Variants in ENTREP2 observed in about 807,000 individuals in gnomAD.
The protein encoded by ENTREP2 is endosomal transmembrane epsin interactor 2.
the ENTREP2 span, among the ~76,000 whole-genome samples, chr15:29,239,617 G>A: frequency 6.6e-6 from 1 of 152,142 alleles, no homozygotes; most frequent in Non-Finnish European, 1.5e-5. Flanking sequence ...GACTTTCAAG[G>A]ATAAACAGCT....
chr15:29,393,156 G>A, the ENTREP2 span, among the ~76,000 whole-genome samples: 1 of 152,176 alleles, frequency 6.6e-6, no homozygotes, highest in Non-Finnish European at 1.5e-5. Context: ...TTTGCCCTTT[G>A]TTGTCTCATT....
chr15:29,423,628 A>T, the ENTREP2 span, among the ~76,000 whole-genome samples: 1 of 49,516 alleles, frequency 2.0e-5, no homozygotes, highest in Non-Finnish European at 3.8e-5. Context: ...TCTACTAAAA[A>T]TACAAAAAAA....
chr15:29,488,056 A>C, the ENTREP2 span, among the ~76,000 whole-genome samples: 2 of 152,214 alleles, frequency 1.3e-5, no homozygotes, highest in Non-Finnish European at 2.9e-5. Flanking sequence ...GCTCATTCAC[A>C]TAAGAAATTA....
chr15:29,289,521 C>T, the ENTREP2 span, among the ~76,000 whole-genome samples: 180 of 152,098 alleles, frequency 1.2e-3, no homozygotes, highest in Middle Eastern at 0.024. Flanking sequence ...CTATGCACCC[C>T]GAAATTTCAC....
At chr15:29,601,049 C>T in the ENTREP2 span, among the ~76,000 whole-genome samples, 5 of 151,428 alleles carry the variant, frequency 3.3e-5, no homozygotes, top group African/African-American at 1.2e-4. Context: ...AGGTGCCCGC[C>T]ACCACGCCCG....
chr15:29,380,339 T>C, the ENTREP2 span, among the ~76,000 whole-genome samples: 1 of 152,146 alleles, frequency 6.6e-6, no homozygotes, highest in African/African-American at 2.4e-5. Flanking sequence ...AAGGAAGAGG[T>C]GTTTTTAATA....
At chr15:29,316,822 T>C in the ENTREP2 span, among the ~76,000 whole-genome samples, 1 of 152,238 alleles carries the variant, frequency 6.6e-6, no homozygotes, top group Non-Finnish European at 1.5e-5. Context: ...TTTGGGAACC[T>C]GAATTCCTTC....
chr15:29,325,035 A>G, the ENTREP2 span, among the ~76,000 whole-genome samples: 1 of 152,224 alleles, frequency 6.6e-6, no homozygotes, highest in Non-Finnish European at 1.5e-5. Flanking sequence ...CACTAACAGA[A>G]AAAGATGGAA....
At chr15:29,674,883 A>C in the ENTREP2 span, 1 of 152,572 alleles carries the variant, frequency 6.6e-6, no homozygotes, top group South Asian at 2.1e-4. Context: ...TGCTCCGCCC[A>C]GTCCCGCGGC....
At chr15:29,669,929 C>CA in the ENTREP2 span, among the ~76,000 whole-genome samples, 1 of 152,152 alleles carries the variant, frequency 6.6e-6, no homozygotes, top group Non-Finnish European at 1.5e-5. Context: ...TCTGCCCTGT[C>CA]AAAATCATGT....
At chr15:29,119,762 T>TG in the ENTREP2 span, among the ~76,000 whole-genome samples, 1 of 149,936 alleles carries the variant, frequency 6.7e-6, no homozygotes, top group African/African-American at 2.5e-5. Context: ...GCCACATCCT[T>TG]GGGGAATGAA....
the ENTREP2 span, among the ~76,000 whole-genome samples, chr15:29,542,616 T>G: frequency 6.6e-6 from 1 of 152,240 alleles, no homozygotes; most frequent in Admixed American, 6.5e-5. Flanking sequence ...CCTTAGCCAT[T>G]TTTAAGTTAC....
the ENTREP2 span, among the ~76,000 whole-genome samples, chr15:29,274,240 TTAATCCC>T: frequency 1.1e-4 from 16 of 152,168 alleles, 1 homozygote. Context: ...ATGACTTCAT[TTAATCCC>T]CACAACAAAC....
At chr15:29,652,869 A>C in the ENTREP2 span, among the ~76,000 whole-genome samples, 1 of 152,232 alleles carries the variant, frequency 6.6e-6, no homozygotes, top group African/African-American at 2.4e-5. Flanking sequence ...GCATGAGCCA[A>C]GTACAGCCTG....
chr15:29,384,364 C>G, the ENTREP2 span, among the ~76,000 whole-genome samples: 1 of 152,158 alleles, frequency 6.6e-6, no homozygotes, highest in South Asian at 2.1e-4. Context: ...GCTCAGCACC[C>G]TCCATTTCCC....
At chr15:29,409,550 C>G in the ENTREP2 span, among the ~76,000 whole-genome samples, 3 of 152,012 alleles carry the variant, frequency 2.0e-5, no homozygotes, top group Non-Finnish European at 4.4e-5. Flanking sequence ...GTCTCGAACT[C>G]CTGACCTCAA....
chr15:29,406,843 T>C, the ENTREP2 span, among the ~76,000 whole-genome samples: 1 of 152,070 alleles, frequency 6.6e-6, no homozygotes, highest in Non-Finnish European at 1.5e-5. Context: ...CTCCTCACTT[T>C]CCCAATCCAA....
the ENTREP2 span, among the ~76,000 whole-genome samples, chr15:29,563,551 G>T: frequency 6.6e-6 from 1 of 152,094 alleles, no homozygotes; most frequent in Non-Finnish European, 1.5e-5. Context: ...TCTGATTCAG[G>T]ATGGGAGCAG....
chr15:29,444,858 G>T, the ENTREP2 span, among the ~76,000 whole-genome samples: 3 of 152,196 alleles, frequency 2.0e-5, no homozygotes, highest in Non-Finnish European at 4.4e-5. Context: ...CTGGAGGGGG[G>T]CACTGGCAGG....
Sources: allele counts gnomAD v4.1 joint callset (sites outside exome capture counted in the v4.1 genomes callset), GRCh38; gene constraint gnomAD v4.1.1; transcripts MANE v1.5; gene names NCBI Gene and HGNC (gene_info 2026-07-23, HGNC 2026-07-21).